The following PAM variants were observed in gnomAD, a reference collection of about 807,000 sequenced individuals.
PAM encodes the protein peptidylglycine alpha-amidating monooxygenase.
PAM carries 72 observed loss-of-function variants against 122.1 expected under a neutral mutation model. The observed-to-expected ratio is 0.59, with a 90% CI of 0.49 to 0.72. The LOEUF is 0.72. Ranked by LOEUF, PAM falls within the 30% of genes least tolerant of loss-of-function variation. PAM has a pLI of 0.00. For synonymous variants in PAM, 389 were observed against 404.4 expected (o/e 0.96, Z 0.46); for missense variants, 1,106 against 1,183.7 (o/e 0.93, Z 0.96).
chr5:103,019,697 T>A, intron 22 of PAM, 93 bp from the exon 23 acceptor site: 1 of 822,196 alleles, frequency 1.2e-6, no homozygotes, highest in Non-Finnish European at 2.1e-6. Flanking sequence ...TAAGGAAATA[T>A]TTTCTACTGA....
chr5:102,949,940 TG>T lies in PAM; in HGVS notation c.765del (p.Trp255Ter). 1 of 1,593,976 alleles carries T rather than the reference TG, an allele frequency of 6.3e-7. No homozygotes were observed. The highest frequency in any genetic ancestry group is 8.6e-7 in the Non-Finnish European group (1 of 1,162,480). On this transcript the variant is annotated frameshift_variant, in exon 11 of 26. Transcript: ENST00000438793. LOFTEE classifies it high-confidence loss of function. ...TGGATACAGAGTAAGAAATGGACAGTGGACACTGATTGGACGGCAGAGCCCT... is the reference window on the plus strand; with the variant it reads ...TGGATACAGAGTAAGAAATGGACAGTGACACTGATTGGACGGCAGAGCCCT... Reference protein sequence around the residue: ...VSGYRVRNGQWTLIGRQSPQL... With the variant: ...VSGYRVRNGQXTLIGRQSPQL...
At chr5:102,819,353 T>C (rs1770943491) in intron 1 of PAM, among the ~76,000 whole-genome samples, 1 of 152,068 alleles carries the variant, frequency 6.6e-6, no homozygotes, top group Admixed American at 6.6e-5. Flanking sequence ...TGTCACTTGC[T>C]AGAAAAGTTT....
intron 16 of PAM, among the ~76,000 whole-genome samples, chr5:102,998,186 T>C (rs1200394552): frequency 6.6e-6 from 1 of 152,230 alleles, no homozygotes; most frequent in Non-Finnish European, 1.5e-5. Context: ...AGGAGTGCTA[T>C]TTCCTAAAAT....
rs141182820 is a variant in PAM, at chr5:102,892,546, T to C, written c.211-8810T>C. Among the ~76,000 whole-genome samples the C allele has an allele frequency of 3.8e-3, 582 of 151,998 alleles. 1 individual carries two copies. Among genetic ancestry groups the C allele is most frequent in the African/African-American group, 0.011 (445 of 41,538 alleles). ...GTATTATCTTTGTGATATGTCCCGA[T>C]GACTGTATGCACAATAATCCCAATA... On this transcript the variant is annotated intron_variant, in intron 3 of 25. Transcript: ENST00000438793.
chr5:102,928,135 C>T (rs1581791766), intron 7 of PAM, among the ~76,000 whole-genome samples: 2 of 152,284 alleles, frequency 1.3e-5, no homozygotes, highest in Non-Finnish European at 1.5e-5. Context: ...TAAAGTAGCT[C>T]ATCATACTGG....
intron 17 of PAM, among the ~76,000 whole-genome samples, chr5:103,004,431 A>G (rs1031221031): frequency 2.6e-5 from 4 of 152,220 alleles, no homozygotes; most frequent in Non-Finnish European, 4.4e-5. Context: ...GGCTTATGAA[A>G]AAAAATCTGT....
intron 4 of PAM, among the ~76,000 whole-genome samples, chr5:102,906,064 G>A (rs1185634401): frequency 6.6e-6 from 1 of 151,544 alleles, no homozygotes; most frequent in African/African-American, 2.4e-5. Flanking sequence ...TTTCTTAAAC[G>A]TCTTCTATCC....
intron 4 of PAM, among the ~76,000 whole-genome samples, chr5:102,907,482 T>C (rs1253307836): frequency 1.3e-5 from 2 of 151,404 alleles, no homozygotes; most frequent in African/African-American, 2.4e-5. Flanking sequence ...TTTGGGTATA[T>C]ACCCAGTAAT....
In PAM at chr5:102,756,115, G is replaced by A. The variant is rs76596203; in HGVS notation, c.-374+767G>A. Among the ~76,000 whole-genome samples the A allele has an allele frequency of 6.4e-3, 969 of 152,308 alleles. 6 individuals carry two copies. Among genetic ancestry groups the A allele is most frequent in the African/African-American group, 0.021 (878 of 41,570 alleles). ...ATGCGTCAGCTCTGCCTGCCGCTGA[G>A]GGTAGTTGTGGGGCTCCCTTGGGAT... On this transcript the variant is annotated intron_variant, in intron 1 of 25. Transcript: ENST00000438793.
intron 13 of PAM, among the ~76,000 whole-genome samples, chr5:102,960,873 G>A (rs1241893096): frequency 7.1e-6 from 1 of 141,752 alleles, no homozygotes; most frequent in African/African-American, 2.5e-5. Context: ...ACAAATATGA[G>A]TCATTTTGTC....
rs560836866 is a variant in PAM, at chr5:103,007,263, A to G, written c.2015-194A>G. Among the ~76,000 whole-genome samples the G allele has an allele frequency of 5.7e-4, 87 of 152,012 alleles. 1 individual carries two copies. Among genetic ancestry groups the G allele is most frequent in the East Asian group, 5.8e-4 (3 of 5,176 alleles). On this transcript the variant is annotated intron_variant, in intron 19 of 25. Coordinates refer to ENST00000438793, the MANE Select transcript of PAM (RefSeq NM_001177306.2). The stretch of plus-strand genomic sequence containing the variant: ...TAATGTATCCACCAAACAACTATCC[A>G]AATAGGGAGAAAATCTGTAATGTAT...
chr5:102,930,414 G>T (rs774798533), intron 7 of PAM, among the ~76,000 whole-genome samples: 1 of 152,162 alleles, frequency 6.6e-6, no homozygotes, highest in Non-Finnish European at 1.5e-5. Flanking sequence ...GGGTATGGAA[G>T]GGTGATCAGG....
intron 1 of PAM, among the ~76,000 whole-genome samples, chr5:102,779,928 T>C (rs1470850179): frequency 4.3e-5 from 5 of 117,286 alleles, no homozygotes; most frequent in African/African-American, 6.9e-5. Context: ...TACACACATA[T>C]ATATATGTAT....
chr5:102,923,740 A>G (rs1299732303), intron 5 of PAM, among the ~76,000 whole-genome samples: 2 of 152,164 alleles, frequency 1.3e-5, no homozygotes, highest in Non-Finnish European at 2.9e-5. Flanking sequence ...AGAGGTTTCC[A>G]TATAGGAACT....
intron 15 of PAM, among the ~76,000 whole-genome samples, chr5:102,981,705 T>C (rs1769944050): frequency 6.6e-6 from 1 of 152,178 alleles, no homozygotes. Flanking sequence ...ATTAAATATC[T>C]GCATTGTCGT....
intron 1 of PAM, among the ~76,000 whole-genome samples, chr5:102,793,979 A>G (rs1045409375): frequency 5.9e-5 from 9 of 152,304 alleles, no homozygotes; most frequent in African/African-American, 1.9e-4. Context: ...GACCATATTT[A>G]TATAACTACT....
At chr5:102,851,165 T>A (rs1457491809) in intron 1 of PAM, among the ~76,000 whole-genome samples, 3 of 152,226 alleles carry the variant, frequency 2.0e-5, no homozygotes, top group Non-Finnish European at 4.4e-5. Context: ...AGAATTTTTC[T>A]ATAATTTTAT....
intron 4 of PAM, among the ~76,000 whole-genome samples, chr5:102,912,636 C>T (rs146776363): frequency 3.9e-5 from 6 of 152,034 alleles, no homozygotes; most frequent in South Asian, 2.1e-4. Context: ...GAATTGTGAA[C>T]GGCTGTAACT....
intron 1 of PAM, among the ~76,000 whole-genome samples, chr5:102,859,429 TTATAGAATAAAGATA>T (rs1287591646): frequency 6.6e-6 from 1 of 151,764 alleles, no homozygotes; most frequent in East Asian, 1.9e-4. Context: ...TAAAAAAAGC[TTATAGAATAAAGATA>T]TACAGAAAGA....
Sources: allele counts gnomAD v4.1 joint callset (sites outside exome capture counted in the v4.1 genomes callset), GRCh38; gene constraint gnomAD v4.1.1; transcripts MANE v1.5; gene names NCBI Gene and HGNC (gene_info 2026-07-23, HGNC 2026-07-21).